The following ANKRD28 variants were observed in gnomAD, a reference collection of about 807,000 sequenced individuals.
The protein encoded by ANKRD28 is serine/threonine-protein phosphatase 6 regulatory ankyrin repeat subunit A.
In ANKRD28, 44 loss-of-function variants were observed where a neutral mutation model predicts 126.5. The ratio of observed to expected loss-of-function variants is 0.35; its 90% CI spans 0.27 to 0.45. The LOEUF (loss-of-function observed/expected upper bound fraction) is 0.45. Among genes scored for constraint, ANKRD28 ranks in the 20% least tolerant of loss-of-function variants. The pLI, the probability that ANKRD28 is intolerant of heterozygous loss-of-function variation, is 1.00. For synonymous variants in ANKRD28, 442 were observed against 468.5 expected, an observed-to-expected ratio of 0.94 and a Z score of 0.73; for missense variants, 1,110 against 1,316.6, an observed-to-expected ratio of 0.84 and a Z score of 2.43.
chr3:15,828,983 T>C (rs759269579), intron 1 of ANKRD28, among the ~76,000 whole-genome samples: 1 of 152,136 alleles, frequency 6.6e-6, no homozygotes, highest in Non-Finnish European at 1.5e-5. Flanking sequence ...GTAGTAACCA[T>C]ACCCAGCAAG....
chr3:15,691,657 G>A (rs1416201952), intron 17 of ANKRD28, among the ~76,000 whole-genome samples: 1 of 152,194 alleles, frequency 6.6e-6, no homozygotes, highest in African/African-American at 2.4e-5. Flanking sequence ...ATGAATCTGT[G>A]TAGAAACTTG....
intron 3 of ANKRD28, among the ~76,000 whole-genome samples, chr3:15,762,222 A>AC (rs1559489376): frequency 1.1e-5 from 1 of 87,120 alleles, no homozygotes; most frequent in African/African-American, 3.7e-5. Flanking sequence ...AACAAAACAA[A>AC]AAAAAAAAAA....
intron 1 of ANKRD28, among the ~76,000 whole-genome samples, chr3:15,811,377 T>C (rs1373900172): frequency 6.6e-6 from 1 of 152,176 alleles, no homozygotes; most frequent in African/African-American, 2.4e-5. Context: ...GAAAATAGTA[T>C]TTGTGAAATA....
intron 3 of ANKRD28, among the ~76,000 whole-genome samples, chr3:15,757,894 C>A (rs2125447073): frequency 6.6e-6 from 1 of 152,300 alleles, no homozygotes. Flanking sequence ...TTTACTGGAA[C>A]AGAGCCACAT....
Position 15,690,194 on chromosome 3 carries a change from C to T in ANKRD28, c.1788G>A (p.Leu596=), listed in dbSNP as rs2068616296. ...CTAACAAAGACTGTACCAACACTTCCAGTGCTTGATGGTGACCATGATAGG... is the reference window on the plus strand; with the variant it reads ...CTAACAAAGACTGTACCAACACTTCTAGTGCTTGATGGTGACCATGATAGG... ...LAAYHGHHQA[L]EVLVQSLLDL... is the part of the protein sequence containing the mutation. Residue 596 remains leucine, a synonymous_variant, in exon 18 of 28, where the codon CTG becomes CTA. Transcript: ENST00000683139. 6.2e-7 allele frequency: 1 copy of T among 1,604,612 alleles called. No homozygotes were observed.
intron 27 of ANKRD28, among the ~76,000 whole-genome samples, chr3:15,674,709 A>G (rs1175315026): frequency 6.6e-6 from 1 of 152,172 alleles, no homozygotes; most frequent in East Asian, 1.9e-4. Context: ...TGAGTCCTAG[A>G]AGAAGAGGGA....
intron 17 of ANKRD28, among the ~76,000 whole-genome samples, chr3:15,693,564 G>A (rs2069111819): frequency 1.3e-5 from 2 of 152,156 alleles, no homozygotes; most frequent in African/African-American, 4.8e-5. Context: ...CTGGCACCTA[G>A]AAAGTGCTCA....
At chr3:15,699,097 A>ACAAT (rs1256445977) in intron 14 of ANKRD28, among the ~76,000 whole-genome samples, 1 of 152,112 alleles carries the variant, frequency 6.6e-6, no homozygotes, top group Non-Finnish European at 1.5e-5. Flanking sequence ...CACATCTACA[A>ACAAT]CCATCTGATT....
chr3:15,831,643 T>C lies in ANKRD28; in HGVS notation c.27+27734A>G, dbSNP rs1191302981. ...CTCACCTAGGTAGTCTGACCTTGCC[T>C]TATCTTTTACAAAAAAAGGGAATAA... On this transcript the variant is annotated intron_variant, in intron 1 of 27. Coordinates refer to the ANKRD28 transcript ENST00000399451. Among the ~76,000 whole-genome samples, 7 of 152,198 alleles carry C rather than the reference T, an allele frequency of 4.6e-5. No homozygotes were observed. The East Asian group carries it at 1.3e-3, about 29-fold the overall frequency.
At chr3:15,743,367 CA>C (rs2057237945) in intron 4 of ANKRD28, among the ~76,000 whole-genome samples, 1 of 150,826 alleles carries the variant, frequency 6.6e-6, no homozygotes. Context: ...AACAAACAAA[CA>C]AACAAACAAA....
chr3:15,687,931 C>A (rs1270715598), intron 18 of ANKRD28, among the ~76,000 whole-genome samples: 1 of 152,138 alleles, frequency 6.6e-6, no homozygotes, highest in Non-Finnish European at 1.5e-5. Flanking sequence ...GACTGGTAAA[C>A]CTCCAGGAAA....
chr3:15,856,050 A>C (rs1438774761), intron 1 of ANKRD28, among the ~76,000 whole-genome samples: 1 of 152,240 alleles, frequency 6.6e-6, no homozygotes, highest in African/African-American at 2.4e-5. Context: ...GATCTAAACC[A>C]GCAGTTATAA....
intron 12 of ANKRD28, among the ~76,000 whole-genome samples, chr3:15,710,577 A>G (rs1193806520): frequency 6.6e-6 from 1 of 152,242 alleles, no homozygotes; most frequent in Non-Finnish European, 1.5e-5. Flanking sequence ...ATCATTGAGA[A>G]TAACGTTTTT....
intron 1 of ANKRD28, among the ~76,000 whole-genome samples, chr3:15,804,137 T>C (rs116528213): frequency 0.027 from 3,881 of 145,236 alleles, 619 homozygotes; most frequent in African/African-American, 0.095. Context: ...CAAGGAATTA[T>C]AAGGTATCAT....
intron 1 of ANKRD28, among the ~76,000 whole-genome samples, chr3:15,806,419 T>A (rs1277266292): frequency 2.0e-5 from 3 of 152,214 alleles, no homozygotes; most frequent in African/African-American, 7.2e-5. Flanking sequence ...AGACTACTTA[T>A]AAAACTTTCA....
At chr3:15,832,626 T>C (rs1039682739) in intron 1 of ANKRD28, among the ~76,000 whole-genome samples, 5 of 152,172 alleles carry the variant, frequency 3.3e-5, no homozygotes, top group Non-Finnish European at 5.9e-5. Flanking sequence ...CCACCTTTTG[T>C]AGTTTCTAAT....
chr3:15,677,570 GA>G lies in ANKRD28; in HGVS notation c.2708-9del. On this transcript the variant is annotated splice_polypyrimidine_tract_variant and intron_variant, in intron 24 of 27. Transcript: ENST00000683139. ...CACTGCTAACCAGCATCTCTGGGAG[GA>G]AAAAGTGCATCAATTCTTATGTTTA... 1 of 1,595,910 alleles carries G rather than the reference GA, an allele frequency of 6.3e-7. No homozygotes were observed. Among genetic ancestry groups the G allele is most frequent in the Non-Finnish European group, 8.6e-7 (1 of 1,165,156 alleles).
chr3:15,702,121 T>C (rs1319852063), intron 14 of ANKRD28, among the ~76,000 whole-genome samples: 1 of 152,210 alleles, frequency 6.6e-6, no homozygotes, highest in Non-Finnish European at 1.5e-5. Context: ...CTCTAACAAA[T>C]GAAAAAGATT....
rs1174708937 is a variant in ANKRD28, at chr3:15,694,819, AAAG to A, written c.1687-9_1687-7del. ...GTTCCTGAGGTTTCCATTAACTGAA[AAAG>A]AAGAGGCATTTTAAATGTCAGAAAG... On this transcript the variant is annotated splice_region_variant and splice_polypyrimidine_tract_variant and intron_variant, in intron 16 of 27. Transcript: ENST00000683139. 6.2e-7 allele frequency: 1 copy of A among 1,612,796 alleles called. No individual in the cohort carries two copies. The highest frequency in any genetic ancestry group is 1.3e-5 in the African/African-American group (1 of 74,904).
Sources: gnomAD v4.1 joint callset for allele counts (sites outside exome capture counted in the v4.1 genomes callset) on GRCh38, gnomAD v4.1.1 for gene constraint, MANE v1.5 for transcripts, NCBI Gene and HGNC (gene_info 2026-07-23, HGNC 2026-07-21) for gene names.